Variants in CREM observed in about 807,000 individuals in gnomAD.
CREM encodes the protein cAMP-responsive element modulator.
A neutral mutation model predicts 37.3 loss-of-function variants in CREM; 13 were observed. The observed-to-expected ratio is 0.35, with a 90% CI of 0.23 to 0.55. The LOEUF (loss-of-function observed/expected upper bound fraction) is 0.55, where lower values mean the gene tolerates loss of function less well. Among genes scored for constraint, CREM ranks in the 20% least tolerant of loss-of-function variants. The pLI, the probability that CREM is intolerant of heterozygous loss-of-function variation, is 0.88. For synonymous variants in CREM, 124 were observed against 120.2 expected (o/e 1.03, Z -0.21); for missense variants, 296 against 362.3 (o/e 0.82, Z 1.49).
At chr10:35,156,205 C>G (rs764608325) in intron 3 of CREM, among the ~76,000 whole-genome samples, 1 of 151,672 alleles carries the variant, frequency 6.6e-6, no homozygotes, top group Non-Finnish European at 1.5e-5. Flanking sequence ...TCCCAAAGTG[C>G]TAGGATTACA....
intron 2 of CREM, among the ~76,000 whole-genome samples, chr10:35,142,642 G>C (rs780971645): frequency 6.6e-6 from 1 of 152,148 alleles, no homozygotes; most frequent in Non-Finnish European, 1.5e-5. Flanking sequence ...GTCTTGCTCT[G>C]TCACCCAGGC....
intron 3 of CREM, among the ~76,000 whole-genome samples, chr10:35,165,817 G>GA (rs141929147): frequency 5.4e-5 from 8 of 148,278 alleles, no homozygotes; most frequent in Admixed American, 1.3e-4. Context: ...AGATTAGCTA[G>GA]AAAAAAAAAA....
rs193248288 is a variant in CREM at position 35,195,184 on chromosome 10, C to G, written c.598+6796C>G. 3.6e-4 allele frequency: 578 copies of G among 1,613,610 alleles called. 1 individual carries two copies. The highest frequency in any genetic ancestry group is 8.3e-4 in the Middle Eastern group (5 of 6,060). Reference sequence around the variant, plus strand: ...AACAAGACAGTTCTGTCTGCAGAAGCCCATTATGGCTGTAACTGGAGATGA... The same window carrying G: ...AACAAGACAGTTCTGTCTGCAGAAGGCCATTATGGCTGTAACTGGAGATGA... On this transcript the variant is annotated intron_variant, in intron 6 of 7. Coordinates refer to ENST00000685392, the MANE Select transcript of CREM (RefSeq NM_183011.2).
chr10:35,211,393 G>T lies in CREM; in HGVS notation c.895G>T (p.Glu299Ter), dbSNP rs748119040. Residue 299 changes from glutamate (E) to a stop codon, truncating the protein, a stop_gained, in exon 8 of 8, where the codon GAG (glutamate) becomes TAG (stop). Transcript: ENST00000685392. LOFTEE classifies it high-confidence loss of function. ...ALKDLYCHKVE is the reference protein window; with the variant it reads ...ALKDLYCHKV Reference sequence around the variant, plus strand: ...CAAAGATCTTTATTGCCATAAAGTAGAGTAACTGTCTTTGACTTGGACCTT... The same window carrying T: ...CAAAGATCTTTATTGCCATAAAGTATAGTAACTGTCTTTGACTTGGACCTT... 6 of 1,613,116 alleles carry T rather than the reference G, an allele frequency of 3.7e-6. No individual in the cohort carries two copies. The Admixed American group carries it at 5.0e-5, about 13-fold the overall frequency.
At chr10:35,195,002 A>G (rs1191183918) in intron 6 of CREM, 1 of 464,276 alleles carries the variant, frequency 2.2e-6, no homozygotes, top group Non-Finnish European at 3.8e-6. Flanking sequence ...TATTACAGGA[A>G]GAGTTTTTAT....
rs2095669363 is a variant in CREM, at chr10:35,211,837, T to C, written c.*439T>C. ...AACTATGAACTGAAGGCAGCATGTA[T>C]AGTTGCTTTTGAAGGAATACAATAT... On this transcript the variant is annotated 3_prime_UTR_variant, in exon 8 of 8. Transcript: ENST00000685392. 6.4e-7 allele frequency: 1 copy of C among 1,562,702 alleles called. No homozygotes were observed. Among genetic ancestry groups the C allele is most frequent in the South Asian group, 1.2e-5 (1 of 83,032 alleles).
chr10:35,172,572 G>GTT (rs11296111), intron 3 of CREM, among the ~76,000 whole-genome samples: 2 of 147,374 alleles, frequency 1.4e-5, no homozygotes, highest in South Asian at 2.1e-4. Context: ...TCCACTTGCA[G>GTT]TTTTTTTTTT....
chr10:35,151,988 A>G (rs1052803248), intron 3 of CREM, among the ~76,000 whole-genome samples: 1 of 152,178 alleles, frequency 6.6e-6, no homozygotes, highest in Non-Finnish European at 1.5e-5. Context: ...TATTAACCCT[A>G]TGATGTATGC....
chr10:35,150,076 G>T (rs557508706), intron 3 of CREM, among the ~76,000 whole-genome samples: 5 of 152,264 alleles, frequency 3.3e-5, no homozygotes, highest in Admixed American at 1.3e-4. Flanking sequence ...CTTTTTGTCT[G>T]TGTGAATAGA....
intron 2 of CREM, among the ~76,000 whole-genome samples, chr10:35,138,109 T>A (rs1182298954): frequency 6.6e-6 from 1 of 152,242 alleles, no homozygotes; most frequent in African/African-American, 2.4e-5. Context: ...TAAGTACTAG[T>A]CTTTTCGTTT....
rs142254808 is a variant in CREM at position 35,184,854 on chromosome 10, T to TA, written c.410-3345dup. Among the ~76,000 whole-genome samples the TA allele has an allele frequency of 7.2e-3, 1,095 of 152,306 alleles. 5 individuals are homozygous for TA. Among genetic ancestry groups the TA allele is most frequent in the Non-Finnish European group, 0.013 (894 of 68,016 alleles). ...TGTTATCTACCTATTTAGGGGTTCT[T>TA]ACCCTGAGGCAGCTACTCTCACCTC... is the stretch of plus-strand genomic sequence containing the variant. On this transcript the variant is annotated intron_variant, in intron 5 of 7. Transcript: ENST00000685392.
At chr10:35,175,933 T>A (rs201048600) in intron 3 of CREM, 1 of 1,551,628 alleles carries the variant, frequency 6.4e-7, no homozygotes, top group African/African-American at 1.4e-5. Context: ...AAACTATACA[T>A]GTCCAGGGAG....
intron 2 of CREM, 125 bp from the exon 3 acceptor site, chr10:35,148,243 G>A (rs1264019163): frequency 1.1e-6 from 1 of 933,880 alleles, no homozygotes; most frequent in East Asian, 2.6e-5. Context: ...TCATGTAAAT[G>A]CTCAGAAAGT....
intron 5 of CREM, among the ~76,000 whole-genome samples, chr10:35,184,098 A>AT (rs2094456816): frequency 6.6e-6 from 1 of 152,116 alleles, no homozygotes; most frequent in Non-Finnish European, 1.5e-5. Context: ...AAATAAATAA[A>AT]TAAGAAGTGT....
chr10:35,151,718 C>T (rs1330848694), intron 3 of CREM, among the ~76,000 whole-genome samples: 3 of 152,184 alleles, frequency 2.0e-5, no homozygotes. Flanking sequence ...TTTTATCTTT[C>T]ACATGCTAGA....
chr10:35,172,010 G>A (rs1315644445), intron 3 of CREM, among the ~76,000 whole-genome samples: 1 of 152,182 alleles, frequency 6.6e-6, no homozygotes, highest in Non-Finnish European at 1.5e-5. Flanking sequence ...TGGTGGTGGA[G>A]TACTGGGTCC....
intron 6 of CREM, among the ~76,000 whole-genome samples, chr10:35,205,976 C>T (rs913624101): frequency 1.3e-5 from 2 of 150,596 alleles, no homozygotes; most frequent in Admixed American, 6.6e-5. Context: ...AAGCCAGGCG[C>T]GATGGCTCAC....
chr10:35,175,501 G>T, intron 3 of CREM: 1 of 609,062 alleles, frequency 1.6e-6, no homozygotes. Flanking sequence ...AGAAGTTAGA[G>T]GGTAGTTTAT....
chr10:35,195,998 CT>C, intron 6 of CREM: 1 of 1,573,856 alleles, frequency 6.4e-7, no homozygotes, highest in Non-Finnish European at 8.7e-7. Context: ...GTTAGCCCTA[CT>C]TTAACATTTC....
Sources: allele counts gnomAD v4.1 joint callset (sites outside exome capture counted in the v4.1 genomes callset), GRCh38; gene constraint gnomAD v4.1.1; transcripts MANE v1.5; gene names NCBI Gene and HGNC (gene_info 2026-07-23, HGNC 2026-07-21).